Variants in YAF2 observed in about 807,000 individuals in gnomAD.
The protein encoded by YAF2 is YY1-associated factor 2.
YAF2 carries 7 observed loss-of-function variants against 20.1 expected under a neutral mutation model. The observed-to-expected ratio is 0.35, with a 90% CI of 0.20 to 0.65. The LOEUF is 0.65. Ranked by LOEUF, YAF2 falls within the 30% of genes least tolerant of loss-of-function variation. The probability of loss-of-function intolerance (pLI) is 0.69; values close to 1 mark genes in which losing one functional copy is unlikely to be tolerated. For missense variants in YAF2, 151 were observed against 219.2 expected (o/e 0.69, Z 1.96); for synonymous variants, 74 against 76.0 (o/e 0.97, Z 0.14).
rs1353435526 is a variant in YAF2 at position 42,159,580 on chromosome 12, TG to T, written c.*1008del. The T allele has an allele frequency of 1.3e-5, 2 of 152,102 alleles. No homozygotes were observed. Among genetic ancestry groups the T allele is most frequent in the Non-Finnish European group, 2.9e-5 (2 of 67,950 alleles). 9.4% of individuals were successfully genotyped at this position (152,102 alleles called of 1,614,324 possible). A position where few individuals can be genotyped will look rare whatever the true frequency, so the allele number is the denominator to read the frequency against. On this transcript the variant is annotated 3_prime_UTR_variant, in exon 4 of 4. Transcript: ENST00000534854. Reference sequence around the variant, plus strand: ...GTACTATGATTTTCATAAGAATTATTGTATTTAATAAGAAGCCAATTTGACT... The same window carrying T: ...GTACTATGATTTTCATAAGAATTATTTATTTAATAAGAAGCCAATTTGACT...
At chr12:42,218,185 AACACACACAC>A (rs71883885) in intron 2 of YAF2, among the ~76,000 whole-genome samples, 2,320 of 140,668 alleles carry the variant, frequency 0.016, 63 homozygotes, top group African/African-American at 0.057. Context: ...GCTACTAGGA[AACACACACAC>A]ACACACACAC....
intron 2 of YAF2, among the ~76,000 whole-genome samples, chr12:42,171,666 A>G (rs1198706593): frequency 6.6e-6 from 1 of 152,080 alleles, no homozygotes; most frequent in Admixed American, 6.6e-5. Flanking sequence ...CAAAAATCTC[A>G]TATCTGGCTG....
intron 2 of YAF2, among the ~76,000 whole-genome samples, chr12:42,226,157 T>C (rs892979729): frequency 6.6e-6 from 1 of 152,182 alleles, no homozygotes; most frequent in Admixed American, 6.5e-5. Flanking sequence ...TACAATATAT[T>C]TCTTAATACG....
chr12:42,189,163 A>T (rs1182734703), intron 2 of YAF2, among the ~76,000 whole-genome samples: 1 of 152,176 alleles, frequency 6.6e-6, no homozygotes, highest in Admixed American at 6.5e-5. Flanking sequence ...CCATCTCAAG[A>T]AGATGTATAA....
intron 2 of YAF2, among the ~76,000 whole-genome samples, chr12:42,167,929 C>T (rs919477733): frequency 6.6e-6 from 1 of 152,122 alleles, no homozygotes; most frequent in Non-Finnish European, 1.5e-5. Flanking sequence ...GGCTTTGTTT[C>T]CATACCTCGA....
intron 2 of YAF2, among the ~76,000 whole-genome samples, chr12:42,225,864 C>CT (rs905632022): frequency 2.0e-5 from 3 of 152,140 alleles, no homozygotes; most frequent in African/African-American, 7.2e-5. Flanking sequence ...TATACAGGCT[C>CT]TTTTTTGGTT....
intron 2 of YAF2, chr12:42,235,166 T>C (rs969775690): frequency 3.8e-5 from 38 of 989,468 alleles, no homozygotes; most frequent in Non-Finnish European, 4.3e-5. Flanking sequence ...TCAAATCCCA[T>C]CTGTGCGTCA....
chr12:42,176,124 T>A (rs1012525732), intron 2 of YAF2, among the ~76,000 whole-genome samples: 1 of 151,880 alleles, frequency 6.6e-6, no homozygotes, highest in Admixed American at 6.6e-5. Context: ...TGTGCATCTG[T>A]TATCCCACTT....
intron 2 of YAF2, chr12:42,212,369 C>T: frequency 2.8e-6 from 1 of 359,008 alleles, no homozygotes; most frequent in South Asian, 2.2e-5. Context: ...ACTTCTAACA[C>T]TAGTAACTAC....
chr12:42,163,852 T>C (rs1186285006), intron 2 of YAF2, among the ~76,000 whole-genome samples: 1 of 152,192 alleles, frequency 6.6e-6, no homozygotes, highest in Non-Finnish European at 1.5e-5. Context: ...CTCAACTCCA[T>C]GCCCTATTAA....
At chr12:42,198,739 TTAAGA>T (rs1277011343) in intron 2 of YAF2, among the ~76,000 whole-genome samples, 1 of 152,176 alleles carries the variant, frequency 6.6e-6, no homozygotes, top group East Asian at 1.9e-4. Context: ...TGATTAATAG[TTAAGA>T]TAAGAGCCCA....
chr12:42,165,993 A>G (rs2065908674), intron 2 of YAF2, among the ~76,000 whole-genome samples: 1 of 151,684 alleles, frequency 6.6e-6, no homozygotes, highest in African/African-American at 2.4e-5. Flanking sequence ...TCTTGGCTCA[A>G]TGCAACCTCC....
chr12:42,222,864 G>GTA (rs1358197043), intron 2 of YAF2, among the ~76,000 whole-genome samples: 2 of 151,826 alleles, frequency 1.3e-5, no homozygotes, highest in Admixed American at 1.3e-4. Context: ...CTGACACACA[G>GTA]TAAGTGCTCT....
chr12:42,159,086 A>G lies in YAF2; in HGVS notation c.*1503T>C, dbSNP rs2136938935. The G allele has an allele frequency of 6.6e-6, 1 of 152,296 alleles. No individual in the cohort carries two copies. The highest frequency in any genetic ancestry group is 1.5e-5 in the Non-Finnish European group (1 of 67,990). 9.4% of individuals were successfully genotyped at this position (152,296 alleles called of 1,614,324 possible). ...ACTTTTACTGTATGCAATTAATTGTATTTCACAACTAGCATCTTACAAAAA... is the reference window on the plus strand; with the variant it reads ...ACTTTTACTGTATGCAATTAATTGTGTTTCACAACTAGCATCTTACAAAAA... On this transcript the variant is annotated 3_prime_UTR_variant, in exon 4 of 4. Transcript: ENST00000534854.
intron 2 of YAF2, among the ~76,000 whole-genome samples, chr12:42,182,933 T>C (rs770451314): frequency 6.6e-6 from 1 of 152,180 alleles, no homozygotes; most frequent in Non-Finnish European, 1.5e-5. Context: ...TTTTACAAAT[T>C]GAAGGTTTGT....
chr12:42,170,387 C>T (rs964287985), intron 2 of YAF2, among the ~76,000 whole-genome samples: 1 of 152,184 alleles, frequency 6.6e-6, no homozygotes, highest in African/African-American at 2.4e-5. Context: ...TAATTTATCT[C>T]AAAACATGCT....
intron 2 of YAF2, among the ~76,000 whole-genome samples, chr12:42,221,333 G>A (rs1334856346): frequency 6.6e-6 from 1 of 152,182 alleles, no homozygotes; most frequent in East Asian, 1.9e-4. Context: ...AATACTTTGG[G>A]AGGCTGAGGC....
chr12:42,233,711 C>T (rs2068049608), intron 2 of YAF2: 5 of 885,384 alleles, frequency 5.6e-6, no homozygotes, highest in Non-Finnish European at 6.8e-6. Context: ...CGAGATCTCA[C>T]TGTGTTGCCC....
chr12:42,166,356 T>A (rs780913305), intron 2 of YAF2, among the ~76,000 whole-genome samples: 1 of 152,240 alleles, frequency 6.6e-6, no homozygotes, highest in Non-Finnish European at 1.5e-5. Flanking sequence ...AGAATTACCA[T>A]TTTCATTTGT....
Sources: allele counts gnomAD v4.1 joint callset (sites outside exome capture counted in the v4.1 genomes callset), GRCh38; gene constraint gnomAD v4.1.1; transcripts MANE v1.5; gene names NCBI Gene and HGNC (gene_info 2026-07-23, HGNC 2026-07-21).